PSMB2: variants seen among roughly 807,000 people sequenced by gnomAD.
PSMB2 encodes proteasome subunit beta type-2.
In PSMB2, 13 loss-of-function variants were observed where a neutral mutation model predicts 25.7. That is an observed-to-expected ratio of 0.51 (90% CI 0.33 to 0.80). PSMB2 has a LOEUF of 0.80. Among genes scored for constraint, PSMB2 ranks in the 30% least tolerant of loss-of-function variants. The probability of loss-of-function intolerance (pLI) is 0.02; values close to 1 mark genes in which losing one functional copy is unlikely to be tolerated. For missense variants in PSMB2, 202 were observed against 259.0 expected, an observed-to-expected ratio of 0.78 and a Z score of 1.51; for synonymous variants, 87 against 96.2, an observed-to-expected ratio of 0.90 and a Z score of 0.56.
At chr1:35,631,209 G>A in intron 3 of PSMB2, 65 bp downstream of exon 3, 1 of 1,525,428 alleles carries the variant, frequency 6.6e-7, no homozygotes, top group Non-Finnish European at 9.1e-7. Flanking sequence ...CATGTATAAT[G>A]AGAATATAAA....
chr1:35,636,976 T>C (rs1325139076), intron 1 of PSMB2, among the ~76,000 whole-genome samples: 1 of 152,214 alleles, frequency 6.6e-6, no homozygotes, highest in Non-Finnish European at 1.5e-5. Context: ...TATTGTGTAA[T>C]GCCAATTTCG....
rs558346604 is a variant in PSMB2 at position 35,600,601 on chromosome 1, G to A, written c.*2666C>T. On this transcript the variant is annotated 3_prime_UTR_variant, in exon 6 of 6. Coordinates refer to ENST00000373237, the MANE Select transcript of PSMB2 (RefSeq NM_002794.5). ...TCTAAGACAGAATGTCATAGAGGCGGTTTGGAGAGGGGCAGATGGTAAGGC... is the reference window on the plus strand; with the variant it reads ...TCTAAGACAGAATGTCATAGAGGCGATTTGGAGAGGGGCAGATGGTAAGGC... 1 of 985,320 alleles carries A rather than the reference G, an allele frequency of 1.0e-6. No individual in the cohort carries two copies. Among genetic ancestry groups the A allele is most frequent in the Non-Finnish European group, 1.2e-6 (1 of 829,940 alleles). 61.0% of individuals were successfully genotyped at this position (985,320 alleles called of 1,614,324 possible). A position where few individuals can be genotyped will look rare whatever the true frequency, so the allele number is the denominator to read the frequency against.
At chr1:35,608,352 G>A (rs12083321) in intron 4 of PSMB2, among the ~76,000 whole-genome samples, 17,292 of 150,554 alleles carry the variant, frequency 0.11, 2,529 homozygotes, top group East Asian at 0.68. Context: ...GCGACAGAGG[G>A]AGACTCTGCC....
At chr1:35,614,276 T>C (rs559002671) in intron 3 of PSMB2, among the ~76,000 whole-genome samples, 3 of 152,306 alleles carry the variant, frequency 2.0e-5, no homozygotes, top group Admixed American at 6.5e-5. Flanking sequence ...TTTCATCAGT[T>C]CCCTTAGTTC....
At position 35,603,357 on chromosome 1, in the gene PSMB2, G is replaced by A; in HGVS notation, c.516C>T (p.Ile172=). 2 of 1,614,146 alleles carry A rather than the reference G, an allele frequency of 1.2e-6. No homozygotes were observed. Among genetic ancestry groups the A allele is most frequent in the Non-Finnish European group, 1.7e-6 (2 of 1,179,994 alleles). The change falls in exon 6 of 6, where the codon ATC becomes ATT. Residue 172 remains isoleucine (I), a synonymous_variant. Transcript: ENST00000373237. ...KCLEELQKRF[I]LNLPTFSVRI... is the part of the protein sequence containing the mutation. ...GAACACTGAAGGTTGGCAGATTCAG[G>A]ATGAAGCGTTTCTGGAGCTGCAGAG...
Position 35,601,902 on chromosome 1 carries a change from A to G in PSMB2, c.*1365T>C. Reference sequence around the variant, plus strand: ...AAGTTATGCTAAGAGTAAAACGAGTAACTGGTTAACTGCCCATGATACATC... The same window carrying G: ...AAGTTATGCTAAGAGTAAAACGAGTGACTGGTTAACTGCCCATGATACATC... On this transcript the variant is annotated 3_prime_UTR_variant, in exon 6 of 6. Transcript: ENST00000373237. 3 of 985,440 alleles carry G rather than the reference A, an allele frequency of 3.0e-6. No homozygotes were observed. The highest frequency in any genetic ancestry group is 3.6e-6 in the Non-Finnish European group (3 of 829,896). The allele number at this position is 985,440 out of a possible 1,614,324, so 61.0% of individuals were successfully genotyped here. A position where few individuals can be genotyped will look rare whatever the true frequency, so the allele number is the denominator to read the frequency against.
At chr1:35,631,250 A>G (rs771672483) in intron 3 of PSMB2, 24 bp downstream of exon 3, 8 of 1,603,360 alleles carry the variant, frequency 5.0e-6, no homozygotes, top group Non-Finnish European at 6.8e-6. Flanking sequence ...TGCTCTATCT[A>G]ACAATGTCTG....
intron 1 of PSMB2, among the ~76,000 whole-genome samples, chr1:35,640,542 G>A (rs924452068): frequency 1.3e-5 from 2 of 152,290 alleles, no homozygotes; most frequent in Non-Finnish European, 2.9e-5. Flanking sequence ...CGGGAAGAAG[G>A]AAAATGCCAA....
intron 5 of PSMB2, 122 bp from the exon 6 acceptor site, chr1:35,603,496 C>A: frequency 8.3e-7 from 1 of 1,202,094 alleles, no homozygotes; most frequent in Non-Finnish European, 1.2e-6. Context: ...AACTGATATT[C>A]TACTGGAGGC....
At chr1:35,620,401 G>A (rs1328388740) in intron 3 of PSMB2, among the ~76,000 whole-genome samples, 2 of 152,074 alleles carry the variant, frequency 1.3e-5, no homozygotes, top group Admixed American at 6.5e-5. Context: ...TTCCCCAAAT[G>A]CTCCATCAAA....
intron 3 of PSMB2, among the ~76,000 whole-genome samples, chr1:35,629,734 C>T (rs143953302): frequency 0.015 from 2,272 of 151,340 alleles, 61 homozygotes; most frequent in African/African-American, 0.051. Flanking sequence ...CACCTGAACC[C>T]GGGAAGTTGA....
rs898713949 is a variant in PSMB2 at position 35,605,334 on chromosome 1, C to T, written c.449-52G>A. 3.9e-6 allele frequency: 6 copies of T among 1,546,408 alleles called. No individual in the cohort carries two copies. The African/African-American group carries it at 6.8e-5, about 18-fold the overall frequency. ...CTTCCGGTGCTGTCATTATATCCAACTCTCAGAAGCTTTTGATTAAGTTCC... is the reference window on the plus strand; with the variant it reads ...CTTCCGGTGCTGTCATTATATCCAATTCTCAGAAGCTTTTGATTAAGTTCC... On this transcript the variant is annotated intron_variant, in intron 4 of 5. Coordinates refer to ENST00000373237, the MANE Select transcript of PSMB2 (RefSeq NM_002794.5).
intron 3 of PSMB2, among the ~76,000 whole-genome samples, chr1:35,613,428 G>C (rs1650395578): frequency 1.3e-5 from 2 of 151,374 alleles, no homozygotes; most frequent in South Asian, 4.2e-4. Flanking sequence ...GCTGAGGCAG[G>C]AGGATCCTTA....
At chr1:35,635,028 G>C (rs776052956) in intron 2 of PSMB2, among the ~76,000 whole-genome samples, 1 of 152,046 alleles carries the variant, frequency 6.6e-6, no homozygotes, top group Non-Finnish European at 1.5e-5. Context: ...GGGAGGCCGA[G>C]GTGGGCAGAT....
chr1:35,613,199 C>T (rs1185191212), intron 3 of PSMB2, among the ~76,000 whole-genome samples: 1 of 152,168 alleles, frequency 6.6e-6, no homozygotes. Context: ...TACATCTGTG[C>T]AACAACTTGC....
At chr1:35,614,189 C>T (rs904715497) in intron 3 of PSMB2, among the ~76,000 whole-genome samples, 1 of 152,196 alleles carries the variant, frequency 6.6e-6, no homozygotes, top group African/African-American at 2.4e-5. Context: ...ACTTCATGGT[C>T]AACCCTCCCT....
At chr1:35,609,549 T>A (rs954524994) in intron 3 of PSMB2, 141 bp from the exon 4 acceptor site, 6 of 807,392 alleles carry the variant, frequency 7.4e-6, no homozygotes, top group Non-Finnish European at 1.8e-6. Flanking sequence ...AGTAAAAATG[T>A]AGGGAAATCT....
chr1:35,626,335 T>C (rs1368573886), intron 3 of PSMB2, among the ~76,000 whole-genome samples: 1 of 152,234 alleles, frequency 6.6e-6, no homozygotes, highest in Non-Finnish European at 1.5e-5. Flanking sequence ...TTAACATCCA[T>C]TTATTAAGAA....
intron 4 of PSMB2, among the ~76,000 whole-genome samples, chr1:35,607,965 C>T (rs77207715): frequency 0.041 from 6,251 of 152,270 alleles, 308 homozygotes; most frequent in African/African-American, 0.12. Context: ...CACGTTCTCA[C>T]TCATATGTAG....
Sources: allele counts gnomAD v4.1 joint callset (sites outside exome capture counted in the v4.1 genomes callset), GRCh38; gene constraint gnomAD v4.1.1; transcripts MANE v1.5; gene names NCBI Gene and HGNC (gene_info 2026-07-23, HGNC 2026-07-21).